TMEM135: variants seen among roughly 807,000 people sequenced by gnomAD.
TMEM135 encodes peroxisomal membrane protein 52.
Under a neutral mutation model 60.3 loss-of-function variants are expected in TMEM135, and 30 were observed. That is an observed-to-expected ratio of 0.50 (90% confidence interval 0.37 to 0.68). The LOEUF is 0.68. Ranked by LOEUF, TMEM135 falls within the 30% of genes least tolerant of loss-of-function variation. The probability of loss-of-function intolerance (pLI) is 0.00; values close to 1 mark genes in which losing one functional copy is unlikely to be tolerated. For synonymous variants in TMEM135, 190 were observed against 186.7 expected, an observed-to-expected ratio of 1.02 and a Z score of -0.14; for missense variants, 468 against 548.8, an observed-to-expected ratio of 0.85 and a Z score of 1.47.
At chr11:87,075,888 G>GTCTCTC (rs34170606) in intron 3 of TMEM135, among the ~76,000 whole-genome samples, 1 of 150,828 alleles carries the variant, frequency 6.6e-6, no homozygotes, top group African/African-American at 2.4e-5. Flanking sequence ...AATAAACAGG[G>GTCTCTC]TCTCTCTCTC....
At chr11:87,137,548 C>A (rs986517194) in intron 4 of TMEM135, among the ~76,000 whole-genome samples, 5 of 152,148 alleles carry the variant, frequency 3.3e-5, no homozygotes, top group Non-Finnish European at 7.4e-5. Context: ...ATTAAACAGA[C>A]TCTCAATTAT....
intron 4 of TMEM135, among the ~76,000 whole-genome samples, chr11:87,151,351 A>G (rs2135259310): frequency 6.6e-6 from 1 of 152,216 alleles, no homozygotes; most frequent in Non-Finnish European, 1.5e-5. Context: ...TCAGTTCTCT[A>G]AAGGGTTCCT....
intron 6 of TMEM135, among the ~76,000 whole-genome samples, chr11:87,267,592 G>A (rs1442558117): frequency 6.6e-6 from 1 of 152,082 alleles, no homozygotes; most frequent in Admixed American, 6.6e-5. Flanking sequence ...TTTGGATTTC[G>A]TGATTGTTTT....
chr11:87,188,661 G>T (rs997151761), intron 5 of TMEM135, among the ~76,000 whole-genome samples: 1 of 149,856 alleles, frequency 6.7e-6, no homozygotes, highest in African/African-American at 2.5e-5. Context: ...CCAGGATCGC[G>T]CCATTGCACT....
intron 5 of TMEM135, among the ~76,000 whole-genome samples, chr11:87,197,127 C>T (rs954919418): frequency 2.0e-5 from 3 of 151,872 alleles, no homozygotes; most frequent in African/African-American, 7.3e-5. Context: ...GAAAAAAATA[C>T]AAGATGTCTG....
At chr11:87,054,759 C>T (rs11234931) in intron 1 of TMEM135, among the ~76,000 whole-genome samples, 23,272 of 151,884 alleles carry the variant, frequency 0.15, 1,860 homozygotes, top group Non-Finnish European at 0.17. Context: ...TGATTAGATT[C>T]GATTTTTAAA....
At chr11:87,243,563 C>T (rs1286118258) in intron 6 of TMEM135, among the ~76,000 whole-genome samples, 1 of 94,282 alleles carries the variant, frequency 1.1e-5, no homozygotes, top group African/African-American at 4.0e-5. Context: ...TGAAGAGGTC[C>T]TTCATGTCCC....
intron 6 of TMEM135, among the ~76,000 whole-genome samples, chr11:87,261,999 C>G (rs1941661075): frequency 6.6e-6 from 1 of 152,070 alleles, no homozygotes; most frequent in Non-Finnish European, 1.5e-5. Flanking sequence ...ATATATTGTT[C>G]TGTAGTGTTT....
chr11:87,055,632 C>G (rs961478853), intron 1 of TMEM135, among the ~76,000 whole-genome samples: 1 of 151,658 alleles, frequency 6.6e-6, no homozygotes. Flanking sequence ...CTCTTGTTGC[C>G]TAGGCTGGAG....
intron 5 of TMEM135, among the ~76,000 whole-genome samples, chr11:87,163,927 T>G (rs1332271709): frequency 1.3e-5 from 2 of 148,804 alleles, no homozygotes; most frequent in African/African-American, 5.0e-5. Context: ...CATTGTAGAT[T>G]CTGGATATTA....
chr11:87,235,246 G>T (rs140766092), intron 5 of TMEM135, among the ~76,000 whole-genome samples: 11 of 151,798 alleles, frequency 7.2e-5, no homozygotes, highest in Admixed American at 7.2e-4. Flanking sequence ...CATGGATAGG[G>T]TGTTTTAAGT....
Position 87,321,979 on chromosome 11 carries a change from C to A in TMEM135, c.*646C>A. 4.4e-6 allele frequency: 2 copies of A among 454,376 alleles called. No homozygotes were observed. The highest frequency in any genetic ancestry group is 8.8e-6 in the Non-Finnish European group (2 of 226,726). The allele number at this position is 454,376 out of a possible 1,614,324, so 28.1% of individuals were successfully genotyped here. A position where few individuals can be genotyped will look rare whatever the true frequency, so the allele number is the denominator to read the frequency against. On this transcript the variant is annotated 3_prime_UTR_variant, in exon 15 of 15. Transcript: ENST00000305494. ...TTCAACTAATAACATCATCTCTCTTCATGACCAGTTAATTGGGCTATTTGG... is the reference window on the plus strand; with the variant it reads ...TTCAACTAATAACATCATCTCTCTTAATGACCAGTTAATTGGGCTATTTGG...
Position 87,097,609 on chromosome 11 carries a change from T to C in TMEM135, c.396+6214T>C, listed in dbSNP as rs554168863. ...GAGGTTTGCAAGAAGCCTGTGGTTA[T>C]GGGGGGGTCTTTATGTTTCTCTGGC... On this transcript the variant is annotated intron_variant, in intron 4 of 14. Transcript: ENST00000305494. Among the ~76,000 whole-genome samples the C allele has an allele frequency of 2.6e-5, 4 of 152,226 alleles. No individual in the cohort carries two copies. The South Asian group carries it at 8.3e-4, about 32-fold the overall frequency.
At chr11:87,295,514 C>G (rs374255665) in intron 6 of TMEM135, among the ~76,000 whole-genome samples, 2 of 152,098 alleles carry the variant, frequency 1.3e-5, no homozygotes, top group East Asian at 3.9e-4. Flanking sequence ...AGATGGAGCC[C>G]TTAGATTTAC....
chr11:87,144,955 G>T (rs978505572), intron 4 of TMEM135, among the ~76,000 whole-genome samples: 1 of 152,010 alleles, frequency 6.6e-6, no homozygotes. Flanking sequence ...CTTTTTTGTG[G>T]CAAGAACATT....
chr11:87,195,844 A>T (rs1939944042), intron 5 of TMEM135, among the ~76,000 whole-genome samples: 1 of 152,216 alleles, frequency 6.6e-6, no homozygotes, highest in African/African-American at 2.4e-5. Flanking sequence ...ATTTGAAGAC[A>T]TTTAAAGAAA....
chr11:87,042,695 C>A (rs1402477321), intron 1 of TMEM135, among the ~76,000 whole-genome samples: 1 of 152,156 alleles, frequency 6.6e-6, no homozygotes, highest in Middle Eastern at 3.2e-3. Flanking sequence ...TATGTATCTG[C>A]TTTTCATTGG....
chr11:87,173,991 A>C (rs604960), intron 5 of TMEM135, among the ~76,000 whole-genome samples: 29,478 of 152,154 alleles, frequency 0.19, 3,514 homozygotes, highest in East Asian at 0.54. Context: ...TCTTTGCATA[A>C]AGTAAATATA....
At chr11:87,119,178 AAGAC>A (rs1396834613) in intron 4 of TMEM135, among the ~76,000 whole-genome samples, 6 of 152,214 alleles carry the variant, frequency 3.9e-5, no homozygotes, top group African/African-American at 7.2e-5. Flanking sequence ...TTTAAAGTGA[AAGAC>A]ATACATCTCT....
Sources: allele counts gnomAD v4.1 joint callset (sites outside exome capture counted in the v4.1 genomes callset), GRCh38; gene constraint gnomAD v4.1.1; transcripts MANE v1.5; gene names NCBI Gene and HGNC (gene_info 2026-07-23, HGNC 2026-07-21).